The following MITF variants were observed in gnomAD, a reference collection of about 807,000 sequenced individuals.
The protein encoded by MITF is melanocyte inducing transcription factor.
A neutral mutation model predicts 60.5 loss-of-function variants in MITF; 17 were observed. The ratio of observed to expected loss-of-function variants is 0.28; its 90% CI spans 0.19 to 0.42. The LOEUF is 0.42. Ranked by LOEUF, MITF falls within the 10% of genes least tolerant of loss-of-function variation. MITF has a pLI of 1.00. For synonymous variants in MITF, 260 were observed against 248.5 expected, an observed-to-expected ratio of 1.05 and a Z score of -0.43; for missense variants, 622 against 683.5, an observed-to-expected ratio of 0.91 and a Z score of 1.00.
chr3:69,803,992 G>A (rs1257721478), intron 1 of MITF, among the ~76,000 whole-genome samples: 13 of 152,014 alleles, frequency 8.6e-5, no homozygotes, highest in Admixed American at 8.5e-4. Context: ...AAGAATCCAT[G>A]AAGCAAATGT....
Position 69,964,979 on chromosome 3 carries a change from C to A in MITF, c.1312C>A (p.His438Asn), listed in dbSNP as rs187202662. 6.2e-7 allele frequency: 1 copy of A among 1,614,160 alleles called. No individual in the cohort carries two copies. Among genetic ancestry groups the A allele is most frequent in the Admixed American group, 1.7e-5 (1 of 60,018 alleles). The change falls in exon 10 of 10, where the codon CAT becomes AAT. Residue 438 changes from histidine (H) to asparagine (N), a missense_variant. His to Asn is a moderately conservative substitution (Grantham distance 68, BLOSUM62 1). Coordinates refer to ENST00000352241, the MANE Select transcript of MITF (RefSeq NM_001354604.2). The stretch of plus-strand genomic sequence containing the variant: ...GAACTGCAGCCAAGACCTCCTTCAG[C>A]ATCATGCAGACCTAACCTGTACAAC... ...LENCSQDLLQ[H>N]HADLTCTTTL...
chr3:69,936,242 C>T (rs2065831352), intron 2 of MITF, among the ~76,000 whole-genome samples: 1 of 152,154 alleles, frequency 6.6e-6, no homozygotes, highest in Non-Finnish European at 1.5e-5. Flanking sequence ...GGAAAAGTCT[C>T]ATGTAATAGT....
intron 1 of MITF, among the ~76,000 whole-genome samples, chr3:69,852,191 A>G (rs7642834): frequency 0.49 from 74,332 of 151,952 alleles, 20,008 homozygotes; most frequent in Non-Finnish European, 0.63. Flanking sequence ...ATTTTTAGTA[A>G]ACTTTTAACT....
chr3:69,924,622 G>C (rs992785803), intron 2 of MITF, among the ~76,000 whole-genome samples: 1 of 152,084 alleles, frequency 6.6e-6, no homozygotes, highest in Non-Finnish European at 1.5e-5. Context: ...CCTGTTTCAC[G>C]GATACCTCCC....
intron 2 of MITF, among the ~76,000 whole-genome samples, chr3:69,927,783 G>A (rs542658547): frequency 8.7e-4 from 133 of 152,286 alleles, no homozygotes; most frequent in African/African-American, 3.1e-3. Context: ...GGGATGCTGG[G>A]AGACAGCAGG....
intron 7 of MITF, among the ~76,000 whole-genome samples, chr3:69,953,643 G>GTATATATA (rs1182758048): frequency 2.1e-4 from 27 of 129,362 alleles, no homozygotes; most frequent in African/African-American, 7.7e-4. Flanking sequence ...ATATATATAT[G>GTATATATA]TATGTATATA....
intron 1 of MITF, among the ~76,000 whole-genome samples, chr3:69,815,337 C>G (rs2063165208): frequency 6.6e-6 from 1 of 152,130 alleles, no homozygotes; most frequent in Non-Finnish European, 1.5e-5. Flanking sequence ...GTCTGAACTG[C>G]TTGGGTCCAC....
At chr3:69,923,030 G>A (rs1276614772) in intron 2 of MITF, among the ~76,000 whole-genome samples, 1 of 152,178 alleles carries the variant, frequency 6.6e-6, no homozygotes, top group Non-Finnish European at 1.5e-5. Context: ...TGTCCACCCA[G>A]CGGGGGACCA....
chr3:69,784,956 G>A (rs746784761), intron 1 of MITF, among the ~76,000 whole-genome samples: 12 of 152,158 alleles, frequency 7.9e-5, no homozygotes, highest in Admixed American at 2.0e-4. Flanking sequence ...AGAGACTGGC[G>A]TGGACTGTGG....
chr3:69,905,410 C>A (rs1295285226), intron 2 of MITF, among the ~76,000 whole-genome samples: 1 of 149,074 alleles, frequency 6.7e-6, no homozygotes, highest in African/African-American at 2.5e-5. Flanking sequence ...TTTTTTTTTT[C>A]AGTCTTAGAA....
chr3:69,792,164 G>C (rs1377612553), intron 1 of MITF, among the ~76,000 whole-genome samples: 4 of 152,162 alleles, frequency 2.6e-5, no homozygotes, highest in Admixed American at 1.3e-4. Context: ...ATGAGTAGTG[G>C]ATCAGAGAAA....
At chr3:69,840,755 CTTTTT>C (rs200258297) in intron 1 of MITF, among the ~76,000 whole-genome samples, 1 of 138,562 alleles carries the variant, frequency 7.2e-6, no homozygotes, top group Non-Finnish European at 1.6e-5. Context: ...GTTTTTTTCT[CTTTTT>C]TTTTTTTTTT....
At chr3:69,921,798 T>C (rs1293753595) in intron 2 of MITF, among the ~76,000 whole-genome samples, 13 of 152,152 alleles carry the variant, frequency 8.5e-5, no homozygotes, top group Non-Finnish European at 5.9e-5. Flanking sequence ...GGGAAGGAAA[T>C]TGGCACAGCC....
At chr3:69,944,446 G>C (rs2066046576) in intron 5 of MITF, among the ~76,000 whole-genome samples, 1 of 152,090 alleles carries the variant, frequency 6.6e-6, no homozygotes, top group Admixed American at 6.6e-5. Flanking sequence ...TCCCAGACAG[G>C]AGAGGAGTCC....
chr3:69,965,031 T>A lies in MITF; in HGVS notation c.1364T>A (p.Ile455Asn). The change falls in exon 10 of 10, where the codon ATC (isoleucine) becomes AAC (asparagine). Residue 455 changes from isoleucine (I) to asparagine (N), a missense_variant. Ile to Asn is a moderately radical substitution (Grantham distance 149). Transcript: ENST00000352241. ...TTTLDLTDGT[I>N]TFNNNLGTGT... is the part of the protein sequence containing the mutation. ...ACTCTCGATCTCACGGATGGCACCATCACCTTCAACAACAACCTCGGAACT... is the reference window on the plus strand; with the variant it reads ...ACTCTCGATCTCACGGATGGCACCAACACCTTCAACAACAACCTCGGAACT... 1 of 1,614,054 alleles carries A rather than the reference T, an allele frequency of 6.2e-7. No individual in the cohort carries two copies. Among genetic ancestry groups the A allele is most frequent in the Non-Finnish European group, 8.5e-7 (1 of 1,180,006 alleles).
chr3:69,833,762 T>C (rs2063493798), intron 1 of MITF, among the ~76,000 whole-genome samples: 1 of 152,222 alleles, frequency 6.6e-6, no homozygotes. Flanking sequence ...GTGATGGTTT[T>C]TCTATGTACA....
intron 1 of MITF, among the ~76,000 whole-genome samples, chr3:69,786,662 T>G (rs1397711103): frequency 1.3e-5 from 2 of 152,070 alleles, no homozygotes; most frequent in Non-Finnish European, 2.9e-5. Flanking sequence ...TATAAGACTG[T>G]GGAAAATGAG....
chr3:69,934,582 G>A (rs982738820), intron 2 of MITF, among the ~76,000 whole-genome samples: 4 of 152,182 alleles, frequency 2.6e-5, no homozygotes, highest in African/African-American at 9.7e-5. Context: ...TATGCTAGGA[G>A]ATGAGGGCCT....
intron 1 of MITF, among the ~76,000 whole-genome samples, chr3:69,852,615 G>T (rs1050944997): frequency 6.6e-6 from 1 of 152,132 alleles, no homozygotes; most frequent in East Asian, 1.9e-4. Context: ...GTGTTGCAAT[G>T]AACATTATTG....
Sources: gnomAD v4.1 joint callset for allele counts (sites outside exome capture counted in the v4.1 genomes callset) on GRCh38, gnomAD v4.1.1 for gene constraint, MANE v1.5 for transcripts, NCBI Gene and HGNC (gene_info 2026-07-23, HGNC 2026-07-21) for gene names.